MAN2A1: variants seen among roughly 807,000 people sequenced by gnomAD.
MAN2A1 encodes the protein alpha-mannosidase 2.
MAN2A1 carries 76 observed loss-of-function variants against 142.6 expected under a neutral mutation model. The ratio of observed to expected loss-of-function variants is 0.53; its 90% CI spans 0.44 to 0.65. The LOEUF is 0.65. MAN2A1 is among the 30% of genes least tolerant of loss of function. The probability of loss-of-function intolerance (pLI) is 0.00; values close to 1 mark genes in which losing one functional copy is unlikely to be tolerated. For synonymous variants in MAN2A1, 559 were observed against 473.2 expected, an observed-to-expected ratio of 1.18 and a Z score of -2.35; for missense variants, 1,311 against 1,365.1, an observed-to-expected ratio of 0.96 and a Z score of 0.62.
intron 1 of MAN2A1, among the ~76,000 whole-genome samples, chr5:109,698,793 G>T (rs1329052157): frequency 6.6e-6 from 1 of 152,056 alleles, no homozygotes; most frequent in Admixed American, 6.5e-5. Context: ...CATGTAAAAG[G>T]TATAAATGCA....
At chr5:109,803,977 C>G (rs1011591419) in intron 12 of MAN2A1, among the ~76,000 whole-genome samples, 1 of 152,070 alleles carries the variant, frequency 6.6e-6, no homozygotes, top group Non-Finnish European at 1.5e-5. Context: ...TTCTTGCAAA[C>G]TTAGTTCTCT....
chr5:109,792,912 A>G (rs530454155), intron 12 of MAN2A1, among the ~76,000 whole-genome samples: 5 of 152,202 alleles, frequency 3.3e-5, no homozygotes, highest in South Asian at 2.1e-4. Flanking sequence ...GAAAGTCTCA[A>G]AAGTGAGTTT....
intron 12 of MAN2A1, among the ~76,000 whole-genome samples, chr5:109,801,247 C>G (rs1180636964): frequency 2.0e-5 from 3 of 152,172 alleles, no homozygotes; most frequent in Non-Finnish European, 4.4e-5. Context: ...GGCTCTTGTT[C>G]TTGTGAACTC....
intron 16 of MAN2A1, among the ~76,000 whole-genome samples, chr5:109,831,725 A>T (rs1754911275): frequency 6.6e-6 from 1 of 152,026 alleles, no homozygotes; most frequent in African/African-American, 2.4e-5. Flanking sequence ...TCTCCACAGA[A>T]TGTTATCTTA....
rs192825252 is a variant in MAN2A1, at chr5:109,709,355, T to C, written c.136-4165T>C. On this transcript the variant is annotated intron_variant, in intron 1 of 21. Coordinates refer to ENST00000261483, the MANE Select transcript of MAN2A1 (RefSeq NM_002372.4). ...AGAAGTGGAACTTGATTGAGCAATA[T>C]TGAGAGGGTTTAATCAAAAGGGCAA... is the stretch of plus-strand genomic sequence containing the variant. Among the ~76,000 whole-genome samples, 18 of 152,250 alleles carry C rather than the reference T, an allele frequency of 1.2e-4. 1 individual carries two copies. The highest frequency in any genetic ancestry group is 3.6e-4 in the African/African-American group (15 of 41,546).
At chr5:109,866,183 T>C (rs138717648) in intron 21 of MAN2A1, among the ~76,000 whole-genome samples, 2,454 of 152,266 alleles carry the variant, frequency 0.016, 28 homozygotes, top group Non-Finnish European at 0.026. Context: ...TTGCACTCTA[T>C]TGTATTGTTG....
chr5:109,765,888 C>A (rs915951868), intron 5 of MAN2A1, among the ~76,000 whole-genome samples: 1 of 152,034 alleles, frequency 6.6e-6, no homozygotes, highest in Non-Finnish European at 1.5e-5. Flanking sequence ...CTTTATGACG[C>A]AAGAATATAT....
intron 1 of MAN2A1, among the ~76,000 whole-genome samples, chr5:109,699,102 A>G (rs939297387): frequency 6.6e-6 from 1 of 152,200 alleles, no homozygotes; most frequent in South Asian, 2.1e-4. Context: ...ACAGCTTTCA[A>G]TGATGTAATT....
At chr5:109,767,509 T>C (rs750680285) in intron 5 of MAN2A1, 26 bp from the exon 6 acceptor site, 3 of 1,588,352 alleles carry the variant, frequency 1.9e-6, no homozygotes, top group Non-Finnish European at 2.6e-6. Flanking sequence ...ATTAAAAAAA[T>C]TAACACTTAT....
intron 12 of MAN2A1, among the ~76,000 whole-genome samples, chr5:109,817,038 A>G (rs969406784): frequency 3.3e-5 from 5 of 152,100 alleles, no homozygotes; most frequent in African/African-American, 1.2e-4. Context: ...CATGCACTAC[A>G]CCTGCTACTC....
At chr5:109,698,740 C>T (rs768730586) in intron 1 of MAN2A1, among the ~76,000 whole-genome samples, 3 of 152,022 alleles carry the variant, frequency 2.0e-5, no homozygotes, top group Non-Finnish European at 2.9e-5. Flanking sequence ...GTGAGGAGTC[C>T]GGAGAGCTGG....
chr5:109,718,283 T>G (rs1484821882), intron 3 of MAN2A1, among the ~76,000 whole-genome samples: 1 of 152,238 alleles, frequency 6.6e-6, no homozygotes, highest in African/African-American at 2.4e-5. Context: ...AAAAGACCTT[T>G]ATTCTTTTCC....
intron 10 of MAN2A1, among the ~76,000 whole-genome samples, chr5:109,786,744 G>C (rs974537519): frequency 6.6e-6 from 1 of 152,034 alleles, no homozygotes; most frequent in African/African-American, 2.4e-5. Context: ...AACTTGGACT[G>C]ATGACTACTA....
chr5:109,775,218 T>C (rs182805468), intron 8 of MAN2A1, among the ~76,000 whole-genome samples: 1 of 152,320 alleles, frequency 6.6e-6, no homozygotes, highest in Non-Finnish European at 1.5e-5. Flanking sequence ...AATATGTACC[T>C]ACCAAGTTGT....
At chr5:109,787,219 C>G (rs946852786) in intron 10 of MAN2A1, among the ~76,000 whole-genome samples, 65 of 152,032 alleles carry the variant, frequency 4.3e-4, no homozygotes, top group African/African-American at 1.5e-3. Flanking sequence ...TTATTCCTAA[C>G]TTGTAATTAA....
chr5:109,838,662 A>AT (rs1384504461), intron 16 of MAN2A1, among the ~76,000 whole-genome samples: 2 of 152,220 alleles, frequency 1.3e-5, no homozygotes, highest in Non-Finnish European at 2.9e-5. Context: ...GAACTCAGGG[A>AT]TACCTCCTTG....
chr5:109,864,731 TAAAAC>T (rs927789401), intron 20 of MAN2A1: 8 of 241,272 alleles, frequency 3.3e-5, no homozygotes, highest in Non-Finnish European at 4.8e-5. Flanking sequence ...TAAACTTTAA[TAAAAC>T]AATATATAAT....
At chr5:109,825,935 C>G (rs1484841091) in intron 16 of MAN2A1, among the ~76,000 whole-genome samples, 1 of 107,072 alleles carries the variant, frequency 9.3e-6, no homozygotes, top group East Asian at 3.0e-4. Context: ...TTGACAGAGT[C>G]TCGCTCTATC....
At chr5:109,846,090 T>A in intron 18 of MAN2A1, 84 bp downstream of exon 18, 1 of 1,237,482 alleles carries the variant, frequency 8.1e-7, no homozygotes, top group Non-Finnish European at 1.1e-6. Context: ...TGTGGTATAA[T>A]CTCTAGTTAA....
Sources: allele counts gnomAD v4.1 joint callset (sites outside exome capture counted in the v4.1 genomes callset), GRCh38; gene constraint gnomAD v4.1.1; transcripts MANE v1.5; gene names NCBI Gene and HGNC (gene_info 2026-07-23, HGNC 2026-07-21).